The following DEFB116 variants were observed in gnomAD, a reference collection of about 807,000 sequenced individuals.
DEFB116 encodes defensin beta 116.
Under a neutral mutation model 2.8 loss-of-function variants are expected in DEFB116, and 5 were observed. The observed-to-expected ratio is 1.80, with a 90% CI of 0.94 to 3.79. The LOEUF (loss-of-function observed/expected upper bound fraction) is 3.79. Among genes scored for constraint, DEFB116 ranks in the 30% most tolerant of loss-of-function variants. DEFB116 has a pLI of 0.00. For missense variants in DEFB116, 170 were observed against 118.0 expected (o/e 1.44, Z -2.04); for synonymous variants, 56 against 40.8 (o/e 1.37, Z -1.42).
At chr20:31,308,070 C>T (rs772445728) in intron 1 of DEFB116, among the ~76,000 whole-genome samples, 4 of 151,982 alleles carry the variant, frequency 2.6e-5, no homozygotes, top group African/African-American at 7.2e-5. Flanking sequence ...TTCAGCCCAA[C>T]CTATAAATAC....
Position 31,308,524 on chromosome 20 carries a change from GT to G in DEFB116, c.61del (p.Thr21LeufsTer39). 6.2e-7 allele frequency: 1 copy of G among 1,613,530 alleles called. No homozygotes were observed. The highest frequency in any genetic ancestry group is 8.5e-7 in the Non-Finnish European group (1 of 1,179,522). On this transcript the variant is annotated frameshift_variant, in exon 1 of 2. Coordinates refer to ENST00000400549, the MANE Select transcript of DEFB116 (RefSeq NM_001037731.1). LOFTEE classifies it low-confidence loss of function (END_TRUNC). ...IAILMILAQK[T>X]PGGLFRSHNG... The stretch of plus-strand genomic sequence containing the variant: ...TTGAGAGAGGCCTGAGTTACCTGGA[GT>G]CTTTTGAGCCAGGATCATAAGGATG...
At chr20:31,307,235 T>C (rs186027178) in intron 1 of DEFB116, among the ~76,000 whole-genome samples, 1 of 152,250 alleles carries the variant, frequency 6.6e-6, no homozygotes, top group Admixed American at 6.5e-5. Context: ...ATCCACTCCC[T>C]TGGTAATTTT....
At chr20:31,307,628 A>T (rs1436572362) in intron 1 of DEFB116, among the ~76,000 whole-genome samples, 1 of 152,076 alleles carries the variant, frequency 6.6e-6, no homozygotes, top group African/African-American at 2.4e-5. Flanking sequence ...ATGAAGAAAC[A>T]ACCTATGGAA....
At chr20:31,305,356 CT>C (rs957695339) in intron 1 of DEFB116, among the ~76,000 whole-genome samples, 3 of 152,062 alleles carry the variant, frequency 2.0e-5, no homozygotes, top group African/African-American at 7.2e-5. Flanking sequence ...CCAAGATTTC[CT>C]GTCTGCAGTC....
chr20:31,307,763 G>A (rs531702028), intron 1 of DEFB116, among the ~76,000 whole-genome samples: 63 of 151,988 alleles, frequency 4.1e-4, no homozygotes, highest in Non-Finnish European at 7.1e-4. Flanking sequence ...CCAAACCCAG[G>A]CTAAGTCAAT....
chr20:31,307,856 C>G (rs1037867206), intron 1 of DEFB116, among the ~76,000 whole-genome samples: 1 of 151,846 alleles, frequency 6.6e-6, no homozygotes, highest in African/African-American at 2.4e-5. Context: ...CAAGCCCTAC[C>G]TCTTCTAATA....
intron 1 of DEFB116, among the ~76,000 whole-genome samples, chr20:31,305,717 C>T (rs577806357): frequency 6.6e-6 from 1 of 152,032 alleles, no homozygotes; most frequent in South Asian, 2.1e-4. Context: ...CCAGTCTCTC[C>T]ATGTCAGAAA....
At chr20:31,308,386 T>A in intron 1 of DEFB116, 133 bp downstream of exon 1, 1 of 785,378 alleles carries the variant, frequency 1.3e-6, no homozygotes, top group South Asian at 1.6e-5. Flanking sequence ...GGGAATAACA[T>A]CTGTGACCCA....
intron 1 of DEFB116, among the ~76,000 whole-genome samples, chr20:31,305,951 GC>G (rs1451552642): frequency 2.0e-5 from 3 of 152,088 alleles, no homozygotes; most frequent in Admixed American, 6.6e-5. Flanking sequence ...TGCAGTGAAA[GC>G]CACGATTCTG....
At chr20:31,305,869 GTATA>G (rs1984980936) in intron 1 of DEFB116, among the ~76,000 whole-genome samples, 1 of 152,042 alleles carries the variant, frequency 6.6e-6, no homozygotes, top group Non-Finnish European at 1.5e-5. Flanking sequence ...TTCTGATTCA[GTATA>G]TCTAAGGAGA....
At chr20:31,306,876 C>T (rs1320762789) in intron 1 of DEFB116, among the ~76,000 whole-genome samples, 1 of 152,114 alleles carries the variant, frequency 6.6e-6, no homozygotes, top group African/African-American at 2.4e-5. Flanking sequence ...TCCTGACTTC[C>T]TCTATCTCAG....
chr20:31,308,311 A>T (rs1023647517), intron 1 of DEFB116, among the ~76,000 whole-genome samples: 1 of 152,158 alleles, frequency 6.6e-6, no homozygotes, highest in Non-Finnish European at 1.5e-5. Context: ...TGCCAGGATC[A>T]ACAACCTCTT....
intron 1 of DEFB116, 82 bp downstream of exon 1, chr20:31,308,437 T>C: frequency 7.2e-7 from 1 of 1,383,682 alleles, no homozygotes; most frequent in East Asian, 2.3e-5. Flanking sequence ...CCACTATATG[T>C]GAGTAGGAGT....
intron 1 of DEFB116, among the ~76,000 whole-genome samples, chr20:31,303,846 C>T (rs1215347636): frequency 1.3e-5 from 2 of 152,114 alleles, no homozygotes; most frequent in African/African-American, 2.4e-5. Flanking sequence ...GCACATATGT[C>T]CCCAAGTGCC....
chr20:31,306,825 A>G (rs968506763), intron 1 of DEFB116, among the ~76,000 whole-genome samples: 1 of 152,114 alleles, frequency 6.6e-6, no homozygotes, highest in African/African-American at 2.4e-5. Flanking sequence ...CTCTCTGTAC[A>G]TGCCAAGATT....
intron 1 of DEFB116, among the ~76,000 whole-genome samples, chr20:31,307,048 A>G (rs1339154143): frequency 6.6e-6 from 1 of 152,148 alleles, no homozygotes; most frequent in African/African-American, 2.4e-5. Flanking sequence ...GCACACAAAA[A>G]GCTATACATA....
At chr20:31,304,873 T>G (rs917532799) in intron 1 of DEFB116, among the ~76,000 whole-genome samples, 1 of 152,118 alleles carries the variant, frequency 6.6e-6, no homozygotes, top group East Asian at 1.9e-4. Context: ...TATAATGTTA[T>G]TTCTTGCATG....
intron 1 of DEFB116, among the ~76,000 whole-genome samples, chr20:31,305,928 A>T (rs1984982327): frequency 1.3e-5 from 2 of 152,092 alleles, no homozygotes; most frequent in Admixed American, 1.3e-4. Flanking sequence ...GAAAATACTA[A>T]TGGGCTCCTG....
chr20:31,304,598 A>G (rs533257471), intron 1 of DEFB116, among the ~76,000 whole-genome samples: 17 of 152,058 alleles, frequency 1.1e-4, no homozygotes, highest in Non-Finnish European at 1.8e-4. Context: ...TCTCTGTGTC[A>G]CATTGCCTCT....
Sources: gnomAD v4.1 joint callset for allele counts (sites outside exome capture counted in the v4.1 genomes callset) on GRCh38, gnomAD v4.1.1 for gene constraint, MANE v1.5 for transcripts, NCBI Gene and HGNC (gene_info 2026-07-23, HGNC 2026-07-21) for gene names.